Variants in MYOF observed in about 807,000 individuals in gnomAD.
MYOF encodes the protein myoferlin.
A neutral mutation model predicts 284.2 loss-of-function variants in MYOF; 244 were observed. That is an observed-to-expected ratio of 0.86 (90% CI 0.77 to 0.95). The LOEUF (loss-of-function observed/expected upper bound fraction) is 0.95. Among genes scored for constraint, MYOF ranks in the 40% least tolerant of loss-of-function variants. The pLI is 0.00. For synonymous variants in MYOF, 904 were observed against 919.7 expected (o/e 0.98, Z 0.31); for missense variants, 2,496 against 2,560.6 (o/e 0.97, Z 0.54).
chr10:93,417,758 A>G (rs1159531314), intron 5 of MYOF, among the ~76,000 whole-genome samples: 1 of 152,034 alleles, frequency 6.6e-6, no homozygotes, highest in Admixed American at 6.6e-5. Context: ...ACTCCTAGGA[A>G]TGGCTGAGGA....
At chr10:93,375,677 G>A (rs1463734260) in intron 22 of MYOF, among the ~76,000 whole-genome samples, 1 of 152,206 alleles carries the variant, frequency 6.6e-6, no homozygotes, top group South Asian at 2.1e-4. Context: ...GCATAGCAAC[G>A]TCTAAACAAT....
At position 93,349,876 on chromosome 10, in the gene MYOF, C is replaced by T. The variant is rs201086819; in HGVS notation, c.4015G>A (p.Glu1339Lys). The T allele has an allele frequency of 1.1e-3, 1,823 of 1,614,060 alleles. 5 individuals carry two copies. The Middle Eastern group carries it at 0.012, about 10-fold the overall frequency. The change falls in exon 36 of 54, where the codon GAA (glutamate) becomes AAA (lysine). Residue 1339 changes from glutamate to lysine, a missense_variant. By Grantham distance (56) the Glu-to-Lys change is moderately conservative (BLOSUM62 1). Coordinates refer to ENST00000359263, the MANE Select transcript of MYOF (RefSeq NM_013451.4). ...LVVECGGERV[E>K]SVVIKNLKKT... Reference sequence around the variant, plus strand: ...TTAAGGTTTTTGATCACCACCGATTCCACCCTTTCTCCTCCACACTCCACA... The same window carrying T: ...TTAAGGTTTTTGATCACCACCGATTTCACCCTTTCTCCTCCACACTCCACA...
chr10:93,436,439 C>T (rs1589566970), intron 3 of MYOF, among the ~76,000 whole-genome samples: 1 of 152,094 alleles, frequency 6.6e-6, no homozygotes, highest in East Asian at 1.9e-4. Flanking sequence ...AATTCTGATG[C>T]TTTTGTAGGG....
chr10:93,339,367 T>TTGTGTGTGTGTGTGTGTG (rs35070199), intron 39 of MYOF, among the ~76,000 whole-genome samples: 73 of 150,334 alleles, frequency 4.9e-4, no homozygotes, highest in East Asian at 4.8e-3. Flanking sequence ...TGCTTCTTAT[T>TTGTGTGTGTGTGTGTGTG]TGTGTGTGTG....
In MYOF at chr10:93,337,844, A is replaced by G; in HGVS notation, c.4408T>C (p.Tyr1470His). 2 of 1,614,020 alleles carry G rather than the reference A, an allele frequency of 1.2e-6. No homozygotes were observed. The highest frequency in any genetic ancestry group is 1.3e-5 in the African/African-American group (1 of 74,998). ...SSGEHEKCGQ[Y>H]IQKGYSKLKI... The stretch of plus-strand genomic sequence containing the variant: ...AGCTTGGAATAGCCTTTCTGAATAT[A>G]CTGTCCGCATTTTTCATGTTCCCCT... The change falls in exon 40 of 54, where the codon TAT becomes CAT. Residue 1470 changes from tyrosine to histidine, a missense_variant. By Grantham distance (83) the Tyr-to-His change is moderately conservative (BLOSUM62 2). Transcript: ENST00000359263.
intron 1 of MYOF, among the ~76,000 whole-genome samples, chr10:93,458,682 A>G (rs58833581): frequency 0.08 from 12,124 of 152,248 alleles, 748 homozygotes; most frequent in African/African-American, 0.16. Context: ...GTAAGCCGAG[A>G]TCGTGTCACT....
chr10:93,321,890 G>A (rs1027212947), intron 48 of MYOF, among the ~76,000 whole-genome samples: 3 of 151,642 alleles, frequency 2.0e-5, no homozygotes, highest in Non-Finnish European at 2.9e-5. Context: ...TTCACATGTC[G>A]TATTTAGATT....
intron 49 of MYOF, among the ~76,000 whole-genome samples, chr10:93,319,174 G>C (rs942424047): frequency 6.6e-6 from 1 of 152,188 alleles, no homozygotes; most frequent in South Asian, 2.1e-4. Flanking sequence ...TGAGGGCTTC[G>C]CTCTTCTCTT....
intron 4 of MYOF, among the ~76,000 whole-genome samples, chr10:93,426,651 G>C (rs1454312533): frequency 1.3e-5 from 2 of 152,164 alleles, no homozygotes; most frequent in Non-Finnish European, 2.9e-5. Flanking sequence ...CACTTTGGGA[G>C]GCCGAAGCGG....
intron 1 of MYOF, among the ~76,000 whole-genome samples, chr10:93,459,375 A>G (rs1307039698): frequency 6.6e-6 from 1 of 152,264 alleles, no homozygotes; most frequent in African/African-American, 2.4e-5. Flanking sequence ...TGCTCCCTCT[A>G]CAGAATCATC....
Position 93,328,912 on chromosome 10 carries a change from C to G in MYOF, c.4983-1G>C, listed in dbSNP as rs377332184. ...ATCTCGCCAGGTATTGACTCCAGAA[C>G]TGTGAATAGCATCACGTGGCTCGGA... On this transcript the variant is annotated splice_acceptor_variant, in intron 44 of 53. Coordinates refer to ENST00000359263, the MANE Select transcript of MYOF (RefSeq NM_013451.4). LOFTEE classifies it high-confidence loss of function. The G allele has an allele frequency of 2.5e-6, 4 of 1,599,132 alleles. No individual in the cohort carries two copies. Among genetic ancestry groups the G allele is most frequent in the Admixed American group, 1.7e-5 (1 of 59,844 alleles).
intron 4 of MYOF, among the ~76,000 whole-genome samples, chr10:93,429,427 T>G (rs1171064096): frequency 2.0e-5 from 3 of 152,200 alleles, no homozygotes; most frequent in African/African-American, 7.2e-5. Context: ...CACACTCCAC[T>G]GAATCACAAC....
At chr10:93,381,153 C>A in intron 20 of MYOF, 66 bp downstream of exon 20, 1 of 1,533,004 alleles carries the variant, frequency 6.5e-7, no homozygotes, top group Non-Finnish European at 9.0e-7. Context: ...AGACACAGTG[C>A]TTGCTTCCGG....
intron 24 of MYOF, among the ~76,000 whole-genome samples, chr10:93,370,273 A>C (rs1051220332): frequency 1.3e-5 from 2 of 151,814 alleles, no homozygotes; most frequent in Non-Finnish European, 1.5e-5. Context: ...CAAAAACATA[A>C]AAATAAAAGG....
chr10:93,476,939 A>G lies in MYOF; in HGVS notation c.88+5168T>C, dbSNP rs540495943. ...AAAGATTTACACAAGACCAGAAGGG[A>G]GAGAAAATTCTGGCTGATGGAATGG... is the stretch of plus-strand genomic sequence containing the variant. On this transcript the variant is annotated intron_variant, in intron 1 of 53. Coordinates refer to ENST00000359263, the MANE Select transcript of MYOF (RefSeq NM_013451.4). Among the ~76,000 whole-genome samples the G allele has an allele frequency of 2.0e-5, 3 of 152,326 alleles. 1 individual carries two copies. The South Asian group carries it at 6.2e-4, about 32-fold the overall frequency.
chr10:93,338,752 G>A (rs1163601921), intron 39 of MYOF, among the ~76,000 whole-genome samples: 3 of 152,240 alleles, frequency 2.0e-5, no homozygotes, highest in Admixed American at 6.5e-5. Context: ...ACAGTGTTGG[G>A]AATCTCTGGT....
chr10:93,369,453 C>T (rs989386343), intron 25 of MYOF, among the ~76,000 whole-genome samples, 192 bp downstream of exon 25: 1 of 152,102 alleles, frequency 6.6e-6, no homozygotes, highest in Admixed American at 6.6e-5. Flanking sequence ...ATGGTGTGTT[C>T]CAATGTTGAC....
At chr10:93,347,836 G>A in intron 36 of MYOF, 54 bp from the exon 37 acceptor site, 1 of 1,555,458 alleles carries the variant, frequency 6.4e-7, no homozygotes, top group Non-Finnish European at 8.7e-7. Flanking sequence ...GGGCAGCTTT[G>A]AGAAAAATTC....
Position 93,355,677 on chromosome 10 carries a change from G to A in MYOF, c.3354C>T (p.Ala1118=). Residue 1118 remains alanine (A), a synonymous_variant, in exon 31 of 54, where the codon GCC becomes GCT. Transcript: ENST00000359263. ...EKSLEKQKHS[A]TTVFGANTPI... Reference sequence around the variant, plus strand: ...GGGTGTTTGCTCCGAACACAGTGGTGGCACTGTGCTTCTGTTTCTCCAGGC... The same window carrying A: ...GGGTGTTTGCTCCGAACACAGTGGTAGCACTGTGCTTCTGTTTCTCCAGGC... The A allele has an allele frequency of 6.2e-7, 1 of 1,613,344 alleles. No homozygotes were observed. Among genetic ancestry groups the A allele is most frequent in the Non-Finnish European group, 8.5e-7 (1 of 1,179,466 alleles).
Sources: allele counts gnomAD v4.1 joint callset (sites outside exome capture counted in the v4.1 genomes callset), GRCh38; gene constraint gnomAD v4.1.1; transcripts MANE v1.5; gene names NCBI Gene and HGNC (gene_info 2026-07-23, HGNC 2026-07-21).